Variants in CTAGE1 observed in about 807,000 individuals in gnomAD.
The protein encoded by CTAGE1 is cutaneous T cell lymphoma-associated antigen 1.
For synonymous variants in CTAGE1, 332 were observed against 302.8 expected (o/e 1.10, Z -1.00); for missense variants, 963 against 855.9 (o/e 1.13, Z -1.56).
chr18:22,415,093 TTTTTTTAAA>T lies in CTAGE1; in HGVS notation c.*472_*480del, dbSNP rs1005763280. The stretch of plus-strand genomic sequence containing the variant: ...CCACCTGTGCATATTTATATATTTC[TTTTTTTAAA>T]TTTTTTAAATTTTTTTAATCAACTA... On this transcript the variant is annotated 3_prime_UTR_variant, in exon 1 of 1. Transcript: ENST00000391403. The T allele has an allele frequency of 2.3e-5, 6 of 259,340 alleles. No individual in the cohort carries two copies. The highest frequency in any genetic ancestry group is 4.4e-5 in the African/African-American group (2 of 45,440). 16.1% of individuals were successfully genotyped at this position (259,340 alleles called of 1,614,324 possible).
rs771085944 is a variant in CTAGE1 at position 22,415,364 on chromosome 18, T to C, written c.*210A>G. On this transcript the variant is annotated 3_prime_UTR_variant, in exon 1 of 1. Coordinates refer to ENST00000391403, the MANE Select transcript of CTAGE1 (RefSeq NM_172241.3). ...TAAATCATCCTCATTTACAAAATAC[T>C]ATCCTGGGAATTATAGTTCCATTAA... The C allele has an allele frequency of 2.0e-6, 1 of 505,884 alleles. No individual in the cohort carries two copies. The highest frequency in any genetic ancestry group is 1.9e-5 in the African/African-American group (1 of 51,322). The allele number at this position is 505,884 out of a possible 1,614,324, so 31.3% of individuals were successfully genotyped here.
Position 22,415,413 on chromosome 18 carries a change from A to T in CTAGE1, c.*161T>A. On this transcript the variant is annotated 3_prime_UTR_variant, in exon 1 of 1. Coordinates refer to ENST00000391403, the MANE Select transcript of CTAGE1 (RefSeq NM_172241.3). ...AAGTTTCAATCTGAACAAAAGTGTA[A>T]TCACTTAAGTAACAGCAGTTACTTA... is the stretch of plus-strand genomic sequence containing the variant. 1 of 613,208 alleles carries T rather than the reference A, an allele frequency of 1.6e-6. No individual in the cohort carries two copies. The highest frequency in any genetic ancestry group is 2.9e-6 in the Non-Finnish European group (1 of 345,742). The allele number at this position is 613,208 out of a possible 1,614,324, so 38.0% of individuals were successfully genotyped here.
Position 22,416,400 on chromosome 18 carries a change from G to A in CTAGE1, c.1412C>T (p.Pro471Leu). The change falls in exon 1 of 1, where the codon CCT (proline) becomes CTT (leucine). Residue 471 changes from proline to leucine, a missense_variant. By Grantham distance (98) the Pro-to-Leu change is moderately conservative (BLOSUM62 -3). Transcript: ENST00000391403. ...EFKIKLLEKD[P>L]YGLDVPNTAF... The stretch of plus-strand genomic sequence containing the variant: ...TGTATTTGGAACATCAAGTCCATAA[G>A]GATCTTTTTCTAAAAGTTTTATTTT... 1 of 1,613,710 alleles carries A rather than the reference G, an allele frequency of 6.2e-7. No homozygotes were observed.
In CTAGE1 at chr18:22,414,123, G is replaced by C. The variant is rs1241037298; in HGVS notation, c.*1451C>G. 6.6e-6 allele frequency: 1 copy of C among 152,058 alleles called. No homozygotes were observed. Among genetic ancestry groups the C allele is most frequent in the Non-Finnish European group, 1.5e-5 (1 of 68,058 alleles). 9.4% of individuals were successfully genotyped at this position (152,058 alleles called of 1,614,324 possible). On this transcript the variant is annotated 3_prime_UTR_variant, in exon 1 of 1. Coordinates refer to ENST00000391403, the MANE Select transcript of CTAGE1 (RefSeq NM_172241.3). The stretch of plus-strand genomic sequence containing the variant: ...ATTAGAAGTTCTTCCTTGATACCTT[G>C]GATAAATAGTATTCAACAGTGAAGG...
chr18:22,417,021 T>C lies in CTAGE1; in HGVS notation c.791A>G (p.Glu264Gly), dbSNP rs182517113. The change falls in exon 1 of 1, where the codon GAA becomes GGA. Residue 264 changes from glutamate to glycine, a missense_variant. Transcript: ENST00000391403. ...DVTDDDNLELEMNSESEDGAY... is the reference protein window; with the variant it reads ...DVTDDDNLELGMNSESEDGAY... Reference sequence around the variant, plus strand: ...ACCATCTTCCGATTCACTGTTCATTTCTAATTCCAAGTTATCATCATCCGT... The same window carrying C: ...ACCATCTTCCGATTCACTGTTCATTCCTAATTCCAAGTTATCATCATCCGT... 1,445 of 1,614,036 alleles carry C rather than the reference T, an allele frequency of 9.0e-4. 17 individuals carry two copies. In the African/African-American group the frequency reaches 0.017, roughly 19 times the overall value.
rs1481211586 is a variant in CTAGE1 at position 22,414,054 on chromosome 18, T to C, written c.*1520A>G. 1 of 151,986 alleles carries C rather than the reference T, an allele frequency of 6.6e-6. No individual in the cohort carries two copies. Among genetic ancestry groups the C allele is most frequent in the Non-Finnish European group, 1.5e-5 (1 of 67,998 alleles). The allele number at this position is 151,986 out of a possible 1,614,324, so 9.4% of individuals were successfully genotyped here. ...TCCCACCTAACTTCCATTCTGGGAG[T>C]GAGATATGCTACCCAGTTGTGAAAA... On this transcript the variant is annotated 3_prime_UTR_variant, in exon 1 of 1. Transcript: ENST00000391403.
chr18:22,416,501 C>T lies in CTAGE1; in HGVS notation c.1311G>A (p.Trp437Ter), dbSNP rs746702032. ...KKAHDNWSAAWTAERNLNDLR... is the reference protein window; with the variant it reads ...KKAHDNWSAA ...AATCATTGAGGTTTCTTTCAGCAGT[C>T]CAAGCTGCCGACCAATTATCATGTG... Residue 437 changes from tryptophan (W) to a stop codon, truncating the protein, a stop_gained, in exon 1 of 1, where the codon TGG becomes TGA. Coordinates refer to ENST00000391403, the MANE Select transcript of CTAGE1 (RefSeq NM_172241.3). LOFTEE classifies it low-confidence loss of function (END_TRUNC). The T allele has an allele frequency of 6.2e-7, 1 of 1,614,032 alleles. No individual in the cohort carries two copies. Among genetic ancestry groups the T allele is most frequent in the Non-Finnish European group, 8.5e-7 (1 of 1,179,970 alleles).
chr18:22,417,513 G>C lies in CTAGE1; in HGVS notation c.299C>G (p.Thr100Ser), dbSNP rs777586059. ...EATEAQSLEA[T>S]CEKLNRFNSE... ...ATTGAACCTGTTCAGCTTTTCGCAG[G>C]TTGCCTCCAAACTTTGTGCTTCTGT... Residue 100 changes from threonine (T) to serine (S), a missense_variant, in exon 1 of 1, where the codon ACC (threonine) becomes AGC (serine). By Grantham distance (58) the Thr-to-Ser change is moderately conservative. Coordinates refer to ENST00000391403, the MANE Select transcript of CTAGE1 (RefSeq NM_172241.3). The C allele has an allele frequency of 6.8e-6, 11 of 1,613,836 alleles. No homozygotes were observed. Among genetic ancestry groups the C allele is most frequent in the Non-Finnish European group, 6.8e-6 (8 of 1,179,872 alleles).
At position 22,414,553 on chromosome 18, in the gene CTAGE1, G is replaced by A. The variant is rs528123714; in HGVS notation, c.*1021C>T. 9 of 629,762 alleles carry A rather than the reference G, an allele frequency of 1.4e-5. No individual in the cohort carries two copies. Among genetic ancestry groups the A allele is most frequent in the Middle Eastern group, 3.9e-4 (1 of 2,564 alleles). 39.0% of individuals were successfully genotyped at this position (629,762 alleles called of 1,614,324 possible). On this transcript the variant is annotated 3_prime_UTR_variant, in exon 1 of 1. Coordinates refer to ENST00000391403, the MANE Select transcript of CTAGE1 (RefSeq NM_172241.3). ...TTTGAGGGCGTCTCTCAGGGAACAC[G>A]ATACATTTCATCTTTTAACAGAATT...
chr18:22,414,466 A>T lies in CTAGE1; in HGVS notation c.*1108T>A. Reference sequence around the variant, plus strand: ...TAGGATGCTTTTTAAAAGTGAGGGCAGGTTGTCCCCAAAAGAAGCAATGGC... The same window carrying T: ...TAGGATGCTTTTTAAAAGTGAGGGCTGGTTGTCCCCAAAAGAAGCAATGGC... On this transcript the variant is annotated 3_prime_UTR_variant, in exon 1 of 1. Transcript: ENST00000391403. 1.7e-6 allele frequency: 1 copy of T among 572,150 alleles called. No homozygotes were observed. Among genetic ancestry groups the T allele is most frequent in the East Asian group, 2.8e-5 (1 of 35,242 alleles). 35.4% of individuals were successfully genotyped at this position (572,150 alleles called of 1,614,324 possible).
chr18:22,415,746 G>T lies in CTAGE1; in HGVS notation c.2066C>A (p.Pro689His), dbSNP rs748150288. 6.2e-7 allele frequency: 1 copy of T among 1,613,990 alleles called. No individual in the cohort carries two copies. The highest frequency in any genetic ancestry group is 2.2e-5 in the East Asian group (1 of 44,884). Residue 689 changes from proline (P) to histidine (H), a missense_variant, in exon 1 of 1, where the codon CCC becomes CAC. By Grantham distance (77) the Pro-to-His change is moderately conservative (BLOSUM62 -2). Coordinates refer to ENST00000391403, the MANE Select transcript of CTAGE1 (RefSeq NM_172241.3). ...AAACACGGTTCCTGGAGGAGGTGGG[G>T]GGAAAGGAGGTCCTCTTCTTATGAA... ...GPFIRRGPPFPPPPPGTVFGA... is the reference protein window; with the variant it reads ...GPFIRRGPPFHPPPPGTVFGA...
At position 22,417,887 on chromosome 18, in the gene CTAGE1, A is replaced by G. The variant is rs2035035894; in HGVS notation, c.-76T>C. The G allele has an allele frequency of 6.9e-7, 1 of 1,455,278 alleles. No individual in the cohort carries two copies. The highest frequency in any genetic ancestry group is 1.7e-5 in the Admixed American group (1 of 57,434). The allele number at this position is 1,455,278 out of a possible 1,614,324, so 90.1% of individuals were successfully genotyped here. On this transcript the variant is annotated 5_prime_UTR_variant, in exon 1 of 1. Transcript: ENST00000391403. ...CCAGGTATGGCTGAGGGTTAGCCCT[A>G]GGCTCCTCCGTAGCGCCAAGGCTGC...
rs2035035713 is a variant in CTAGE1, at chr18:22,417,865, G to T, written c.-54C>A. 5 of 1,580,274 alleles carry T rather than the reference G, an allele frequency of 3.2e-6. No individual in the cohort carries two copies. The highest frequency in any genetic ancestry group is 1.7e-4 in the Middle Eastern group (1 of 5,886). ...CGTAGCAACTCCAGGACCAGCCCCA[G>T]GTATGGCTGAGGGTTAGCCCTAGGC... On this transcript the variant is annotated 5_prime_UTR_variant, in exon 1 of 1. The change creates a new upstream start codon in the 5' untranslated region. Coordinates refer to ENST00000391403, the MANE Select transcript of CTAGE1 (RefSeq NM_172241.3).
rs200787711 is a variant in CTAGE1 at position 22,416,244 on chromosome 18, C to T, written c.1568G>A (p.Gly523Glu). The T allele has an allele frequency of 1.6e-4, 266 of 1,613,916 alleles. 1 individual carries two copies. The highest frequency in any genetic ancestry group is 1.4e-5 in the Non-Finnish European group (16 of 1,179,862). Reference sequence around the variant, plus strand: ...TGGGCCTCTGGAGCCTCTTCCTCCTCCCCGTGGAAGCAAAGGTGAGAGTCT... The same window carrying T: ...TGGGCCTCTGGAGCCTCTTCCTCCTTCCCGTGGAAGCAAAGGTGAGAGTCT... The part of the protein sequence containing the change: ...PLRLSPLLPR[G>E]GGRGSRGPGN... The change falls in exon 1 of 1, where the codon GGA (glycine) becomes GAA (glutamate). Residue 523 changes from glycine (G) to glutamate (E), a missense_variant. Gly to Glu is a moderately conservative substitution (Grantham distance 98). Coordinates refer to ENST00000391403, the MANE Select transcript of CTAGE1 (RefSeq NM_172241.3).
At position 22,415,168 on chromosome 18, in the gene CTAGE1, A is replaced by G. The variant is rs540292081; in HGVS notation, c.*406T>C. 1.1e-3 allele frequency: 232 copies of G among 218,950 alleles called. No individual in the cohort carries two copies. The highest frequency in any genetic ancestry group is 1.7e-3 in the Non-Finnish European group (192 of 112,640). The allele number at this position is 218,950 out of a possible 1,614,324, so 13.6% of individuals were successfully genotyped here. On this transcript the variant is annotated 3_prime_UTR_variant, in exon 1 of 1. Transcript: ENST00000391403. ...TAAAGTTACTTTCACATTTGTCTAC[A>G]ACCACAGTAAATACAGTTCTTGACA...
In CTAGE1 at chr18:22,416,438, A is replaced by G. The variant is rs368284469; in HGVS notation, c.1374T>C (p.Thr458=). 23 of 1,613,652 alleles carry G rather than the reference A, an allele frequency of 1.4e-5. No homozygotes were observed. The highest frequency in any genetic ancestry group is 1.7e-6 in the Non-Finnish European group (2 of 1,179,926). The change falls in exon 1 of 1, where the codon ACT becomes ACC. Residue 458 remains threonine (T), a synonymous_variant. Transcript: ENST00000391403. ...AAAGTTTTATTTTAAACTCTATTTC[A>G]GTTAATTTTTGTCTGTTGTGAGCAT... is the stretch of plus-strand genomic sequence containing the variant. ...KENAHNRQKL[T]EIEFKIKLLE...
At position 22,415,058 on chromosome 18, in the gene CTAGE1, T is replaced by G. The variant is rs896011112; in HGVS notation, c.*516A>C. The G allele has an allele frequency of 2.3e-6, 1 of 429,244 alleles. No individual in the cohort carries two copies. The allele number at this position is 429,244 out of a possible 1,614,324, so 26.6% of individuals were successfully genotyped here. On this transcript the variant is annotated 3_prime_UTR_variant, in exon 1 of 1. Coordinates refer to ENST00000391403, the MANE Select transcript of CTAGE1 (RefSeq NM_172241.3). ...GAAATATTCTAACAGTTACATAGTA[T>G]TCTACCTTCCCACCTGTGCATATTT...
rs752410629 is a variant in CTAGE1 at position 22,416,046 on chromosome 18, G to A, written c.1766C>T (p.Pro589Leu). 1.2e-6 allele frequency: 2 copies of A among 1,613,950 alleles called. No homozygotes were observed. Among genetic ancestry groups the A allele is most frequent in the South Asian group, 2.2e-5 (2 of 91,072 alleles). Residue 589 changes from proline (P) to leucine (L), a missense_variant, in exon 1 of 1, where the codon CCT becomes CTT. Physicochemically the swap from Pro to Leu is moderately conservative, Grantham distance 98 (BLOSUM62 -3). Transcript: ENST00000391403. ...ATAAAATCTGTCTTGCCTTTGTGGA[G>A]GGAGAGCTGAATCAGGATATGATTG... Reference protein sequence around the residue: ...PGQSYPDSALPPQRQDRFYSN... With the variant: ...PGQSYPDSALLPQRQDRFYSN...
Position 22,417,473 on chromosome 18 carries a change from A to G in CTAGE1, c.339T>C (p.His113=). The G allele has an allele frequency of 6.2e-7, 1 of 1,614,004 alleles. No homozygotes were observed. The highest frequency in any genetic ancestry group is 1.3e-5 in the African/African-American group (1 of 75,056). ...KLNRFNSELV[H]EILCLEKELK... is the part of the protein sequence containing the mutation. ...ACTCTTTTTCTAGACAGAGTATTTCATGCACAAGTTCAGAATTGAACCTGT... is the reference window on the plus strand; with the variant it reads ...ACTCTTTTTCTAGACAGAGTATTTCGTGCACAAGTTCAGAATTGAACCTGT... Residue 113 remains histidine (H), a synonymous_variant, in exon 1 of 1, where the codon CAT becomes CAC. Coordinates refer to ENST00000391403, the MANE Select transcript of CTAGE1 (RefSeq NM_172241.3).
Sources: allele counts gnomAD v4.1 joint callset, GRCh38; gene constraint gnomAD v4.1.1; transcripts MANE v1.5; gene names NCBI Gene and HGNC (gene_info 2026-07-23, HGNC 2026-07-21).